Variants in KCNH5 observed in about 807,000 individuals in gnomAD.
The protein encoded by KCNH5 is potassium voltage-gated channel subfamily H member 5.
KCNH5 carries 46 observed loss-of-function variants against 96.1 expected under a neutral mutation model. The observed-to-expected ratio is 0.48, with a 90% CI of 0.38 to 0.61. The LOEUF (loss-of-function observed/expected upper bound fraction) is 0.61. KCNH5 is among the 20% of genes least tolerant of loss of function. The pLI, the probability that KCNH5 is intolerant of heterozygous loss-of-function variation, is 0.00. For synonymous variants in KCNH5, 439 were observed against 449.8 expected, an observed-to-expected ratio of 0.98 and a Z score of 0.30; for missense variants, 907 against 1,225.8, an observed-to-expected ratio of 0.74 and a Z score of 3.88.
intron 8 of KCNH5, among the ~76,000 whole-genome samples, chr14:62,826,432 G>GTA (rs1259199463): frequency 1.3e-5 from 2 of 151,426 alleles, no homozygotes; most frequent in East Asian, 3.9e-4. Flanking sequence ...GTGTGTGTGT[G>GTA]TGTGTGTGTG....
At chr14:62,950,678 T>G in intron 6 of KCNH5, 119 bp from the exon 7 acceptor site, 1 of 731,652 alleles carries the variant, frequency 1.4e-6, no homozygotes, top group Non-Finnish European at 2.0e-6. Context: ...TAAGAACATA[T>G]GTATATTATA....
intron 1 of KCNH5, among the ~76,000 whole-genome samples, chr14:63,031,304 CT>C (rs1891621637): frequency 6.6e-6 from 1 of 152,204 alleles, no homozygotes; most frequent in Admixed American, 6.5e-5. Context: ...AATAACTACA[CT>C]TAGGTTAATA....
At chr14:63,003,658 C>T (rs1157182661) in intron 3 of KCNH5, among the ~76,000 whole-genome samples, 5 of 117,256 alleles carry the variant, frequency 4.3e-5, no homozygotes, top group African/African-American at 6.9e-5. Flanking sequence ...CTCACTCTTT[C>T]GTCCAGGCCC....
At chr14:62,861,662 A>ACACACACAC (rs1441728723) in intron 7 of KCNH5, among the ~76,000 whole-genome samples, 2 of 141,288 alleles carry the variant, frequency 1.4e-5, no homozygotes, top group Non-Finnish European at 3.1e-5. Context: ...ACACACACAC[A>ACACACACAC]CACACACACA....
At chr14:62,742,967 G>A (rs1885302106) in intron 10 of KCNH5, among the ~76,000 whole-genome samples, 1 of 152,124 alleles carries the variant, frequency 6.6e-6, no homozygotes, top group South Asian at 2.1e-4. Context: ...TGCCCCAAAA[G>A]CAACTGCCTT....
chr14:62,798,907 T>C (rs1473616796), intron 9 of KCNH5, among the ~76,000 whole-genome samples: 1 of 152,196 alleles, frequency 6.6e-6, no homozygotes, highest in South Asian at 2.1e-4. Flanking sequence ...CTTCTCTACC[T>C]TTTAACTGGC....
At chr14:62,830,832 C>T (rs934415347) in intron 8 of KCNH5, among the ~76,000 whole-genome samples, 5 of 151,968 alleles carry the variant, frequency 3.3e-5, no homozygotes, top group African/African-American at 1.2e-4. Flanking sequence ...GATTTTTTTT[C>T]AAGAGCATCC....
chr14:63,011,993 T>C (rs1891237880), intron 2 of KCNH5, among the ~76,000 whole-genome samples: 1 of 152,166 alleles, frequency 6.6e-6, no homozygotes, highest in African/African-American at 2.4e-5. Context: ...CCACCCTACC[T>C]AAACTACCTG....
At chr14:62,894,346 G>C (rs80134977) in intron 7 of KCNH5, among the ~76,000 whole-genome samples, 1 of 152,142 alleles carries the variant, frequency 6.6e-6, no homozygotes, top group Non-Finnish European at 1.5e-5. Context: ...TACTCCTATG[G>C]ACCGGAAACT....
chr14:62,767,633 G>A (rs545912962), intron 10 of KCNH5, among the ~76,000 whole-genome samples: 11 of 152,218 alleles, frequency 7.2e-5, no homozygotes, highest in South Asian at 6.2e-4. Context: ...GAGTACACGC[G>A]GACAATAAGA....
intron 7 of KCNH5, among the ~76,000 whole-genome samples, chr14:62,931,928 C>A (rs1218753194): frequency 1.3e-5 from 2 of 152,110 alleles, no homozygotes; most frequent in Non-Finnish European, 2.9e-5. Flanking sequence ...AGTGTCAAAC[C>A]CTCAGCTCTA....
chr14:62,843,811 C>A (rs1887638127), intron 8 of KCNH5, among the ~76,000 whole-genome samples: 1 of 151,874 alleles, frequency 6.6e-6, no homozygotes, highest in Non-Finnish European at 1.5e-5. Context: ...ATCACGGGAA[C>A]CTCTTGAAGT....
chr14:62,918,484 A>C (rs1350783212), intron 7 of KCNH5, among the ~76,000 whole-genome samples: 1 of 152,192 alleles, frequency 6.6e-6, no homozygotes, highest in Non-Finnish European at 1.5e-5. Flanking sequence ...AAGATAAACG[A>C]AAGGCTTATA....
Position 62,707,563 on chromosome 14 carries a change from A to T in KCNH5, c.2912T>A (p.Phe971Tyr). Reference sequence around the variant, plus strand: ...AGGTGATTCAGGCCTTGAGACACTAAAAATATCCTGACATGGTATCTGGGG... The same window carrying T: ...AGGTGATTCAGGCCTTGAGACACTATAAATATCCTGACATGGTATCTGGGG... Reference protein sequence around the residue: ...VPPQIPCQDIFSVSRPESPES... With the variant: ...VPPQIPCQDIYSVSRPESPES... The change falls in exon 11 of 11, where the codon TTT becomes TAT. Residue 971 changes from phenylalanine (F) to tyrosine (Y), a missense_variant. By Grantham distance (22) the Phe-to-Tyr change is conservative. This residue lies in a region of KCNH5 where 362 missense variants were observed against 394.4 expected (regional missense o/e 0.92). Coordinates refer to ENST00000322893, the MANE Select transcript of KCNH5 (RefSeq NM_139318.5). The T allele has an allele frequency of 6.6e-7, 1 of 1,506,480 alleles. No homozygotes were observed. The highest frequency in any genetic ancestry group is 8.9e-7 in the Non-Finnish European group (1 of 1,127,894). 93.3% of individuals were successfully genotyped at this position (1,506,480 alleles called of 1,614,324 possible). A position where few individuals can be genotyped will look rare whatever the true frequency, so the allele number is the denominator to read the frequency against.
chr14:63,026,034 T>A (rs1891518414), intron 1 of KCNH5, among the ~76,000 whole-genome samples: 1 of 151,790 alleles, frequency 6.6e-6, no homozygotes, highest in Admixed American at 6.6e-5. Context: ...AAATAAAACA[T>A]AATAGAGAGC....
intron 6 of KCNH5, among the ~76,000 whole-genome samples, chr14:62,956,069 C>A (rs1324611915): frequency 6.6e-6 from 1 of 152,236 alleles, no homozygotes; most frequent in Admixed American, 6.5e-5. Context: ...CTGAGCATAT[C>A]GTCCAAGGGC....
intron 10 of KCNH5, among the ~76,000 whole-genome samples, chr14:62,716,464 T>G (rs1259505373): frequency 6.6e-6 from 1 of 152,148 alleles, no homozygotes; most frequent in Non-Finnish European, 1.5e-5. Flanking sequence ...TCTGCTTCCT[T>G]CACTCCTCAC....
At chr14:62,960,537 C>A (rs1160045189) in intron 6 of KCNH5, among the ~76,000 whole-genome samples, 2 of 152,130 alleles carry the variant, frequency 1.3e-5, no homozygotes, top group Non-Finnish European at 2.9e-5. Context: ...AGTACCATAT[C>A]AGGCAACTGG....
intron 7 of KCNH5, among the ~76,000 whole-genome samples, chr14:62,922,094 G>A (rs1020000139): frequency 6.6e-6 from 1 of 152,006 alleles, no homozygotes; most frequent in Non-Finnish European, 1.5e-5. Flanking sequence ...TACATTCTGG[G>A]TTCCACCTTA....
Sources: allele counts gnomAD v4.1 joint callset (sites outside exome capture counted in the v4.1 genomes callset), GRCh38; gene constraint gnomAD v4.1.1; regional missense constraint gnomAD v4.1.1; transcripts MANE v1.5; gene names NCBI Gene and HGNC (gene_info 2026-07-23, HGNC 2026-07-21).